Variants in LRP1B observed in about 807,000 individuals in gnomAD.
The protein encoded by LRP1B is LDL receptor related protein 1B.
A neutral mutation model predicts 556.6 loss-of-function variants in LRP1B; 217 were observed. That is an observed-to-expected ratio of 0.39 (90% CI 0.35 to 0.44). LRP1B has a LOEUF of 0.44. LRP1B is among the 20% of genes least tolerant of loss of function. The probability of loss-of-function intolerance (pLI) is 1.00; values close to 1 mark genes in which losing one functional copy is unlikely to be tolerated. For synonymous variants in LRP1B, 2,047 were observed against 1,865.8 expected (o/e 1.10, Z -2.50); for missense variants, 5,053 against 5,620.8 (o/e 0.90, Z 3.23).
intron 41 of LRP1B, among the ~76,000 whole-genome samples, chr2:140,696,913 A>G (rs934508123): frequency 6.6e-6 from 1 of 152,190 alleles, no homozygotes; most frequent in Admixed American, 6.5e-5. Flanking sequence ...CAAATACAGT[A>G]CAATAATTTT....
intron 21 of LRP1B, among the ~76,000 whole-genome samples, chr2:140,911,897 G>C (rs1694430411): frequency 6.6e-6 from 1 of 151,566 alleles, no homozygotes; most frequent in South Asian, 2.1e-4. Context: ...CAATCTTTTA[G>C]AGTCAGAATA....
intron 3 of LRP1B, among the ~76,000 whole-genome samples, chr2:141,308,145 AT>A (rs1686670518): frequency 6.6e-6 from 1 of 152,186 alleles, no homozygotes; most frequent in Non-Finnish European, 1.5e-5. Context: ...GAATCAGTAT[AT>A]AACCCCACCA....
intron 41 of LRP1B, among the ~76,000 whole-genome samples, chr2:140,674,435 T>A (rs1432486468): frequency 6.6e-6 from 1 of 152,162 alleles, no homozygotes; most frequent in East Asian, 1.9e-4. Flanking sequence ...TCCATCTACA[T>A]AATAAGAACC....
In LRP1B at chr2:140,380,358, C is replaced by T. The variant is rs376326169; in HGVS notation, c.10532-2072G>A. 9.2e-5 allele frequency among the ~76,000 whole-genome samples: 14 copies of T among 152,216 alleles called. No individual in the cohort carries two copies. In the East Asian group the frequency reaches 2.1e-3, roughly 23 times the overall value. On this transcript the variant is annotated intron_variant, in intron 67 of 90. Transcript: ENST00000389484. ...ATTAAAGCCCTGGGAAGCCAAGTTA[C>T]TTATCTAAAGCACATGGCTAGCAAT...
intron 1 of LRP1B, among the ~76,000 whole-genome samples, chr2:141,865,602 A>AAG (rs1207534750): frequency 7.7e-6 from 1 of 129,864 alleles, no homozygotes; most frequent in Non-Finnish European, 1.8e-5. Context: ...AAAAAAAAAA[A>AAG]AAAAAGAAAA....
chr2:141,637,959 A>T lies in LRP1B; in HGVS notation c.206-157426T>A, dbSNP rs533890170. Among the ~76,000 whole-genome samples the T allele has an allele frequency of 3.3e-5, 5 of 152,234 alleles. No individual in the cohort carries two copies. The South Asian group carries it at 1.0e-3, about 32-fold the overall frequency. Reference sequence around the variant, plus strand: ...AATATATCTGTAATCCCAACTCTTTAAAAGGCAGGGGCAGGTGGATCACTT... The same window carrying T: ...AATATATCTGTAATCCCAACTCTTTTAAAGGCAGGGGCAGGTGGATCACTT... On this transcript the variant is annotated intron_variant, in intron 2 of 90. Transcript: ENST00000389484.
chr2:140,288,030 G>T (rs527254739), intron 84 of LRP1B, among the ~76,000 whole-genome samples: 1 of 151,710 alleles, frequency 6.6e-6, no homozygotes, highest in Admixed American at 6.6e-5. Flanking sequence ...TTCTATTTCT[G>T]CTATTATATA....
At chr2:140,811,895 A>G (rs917817164) in intron 32 of LRP1B, among the ~76,000 whole-genome samples, 6 of 152,120 alleles carry the variant, frequency 3.9e-5, no homozygotes, top group African/African-American at 1.4e-4. Flanking sequence ...ATGTCAATAT[A>G]ATGCTCTATA....
chr2:140,718,176 A>C (rs1220054908), intron 35 of LRP1B, among the ~76,000 whole-genome samples: 1 of 151,970 alleles, frequency 6.6e-6, no homozygotes. Flanking sequence ...CTTGATGTAC[A>C]ATGGACAAAT....
intron 1 of LRP1B, among the ~76,000 whole-genome samples, chr2:141,964,096 G>T (rs1285925032): frequency 1.4e-5 from 2 of 142,624 alleles, no homozygotes; most frequent in African/African-American, 5.3e-5. Context: ...AATAAAAGAG[G>T]ATACAAACAA....
intron 2 of LRP1B, among the ~76,000 whole-genome samples, chr2:141,673,658 T>C (rs1690763573): frequency 6.6e-6 from 1 of 152,118 alleles, no homozygotes. Flanking sequence ...TTATTGTCTA[T>C]AATAATAGTT....
In LRP1B at chr2:141,176,311, C is replaced by T. The variant is rs560275582; in HGVS notation, c.1013+12110G>A. 6.6e-5 allele frequency among the ~76,000 whole-genome samples: 10 copies of T among 152,070 alleles called. No homozygotes were observed. The South Asian group carries it at 1.7e-3, about 25-fold the overall frequency. The stretch of plus-strand genomic sequence containing the variant: ...TGTGTCCCCACCCAAATCTCATGTC[C>T]CATTGTAATCCCCACATTGCACAGG... On this transcript the variant is annotated intron_variant, in intron 7 of 90. Coordinates refer to ENST00000389484, the MANE Select transcript of LRP1B (RefSeq NM_018557.3).
intron 2 of LRP1B, among the ~76,000 whole-genome samples, chr2:141,606,199 A>T (rs1481966139): frequency 6.7e-6 from 1 of 150,050 alleles, no homozygotes; most frequent in Non-Finnish European, 1.5e-5. Flanking sequence ...AATCTTAAAA[A>T]GGTCATATGA....
intron 3 of LRP1B, among the ~76,000 whole-genome samples, chr2:141,397,997 C>G (rs1690306949): frequency 6.6e-6 from 1 of 151,990 alleles, no homozygotes; most frequent in Non-Finnish European, 1.5e-5. Flanking sequence ...ACTTTCACTT[C>G]AGATAACACT....
At chr2:140,899,210 G>C (rs558047581) in intron 23 of LRP1B, 4 of 160,328 alleles carry the variant, frequency 2.5e-5, no homozygotes, top group Non-Finnish European at 5.4e-5. Context: ...AAGGGTATCT[G>C]CAATGAGAAG....
At chr2:140,851,500 T>C in intron 28 of LRP1B, 152 bp downstream of exon 28, 1 of 702,358 alleles carries the variant, frequency 1.4e-6, no homozygotes, top group South Asian at 2.1e-5. Flanking sequence ...GAATCATCAA[T>C]AGTGGATGGA....
intron 11 of LRP1B, among the ~76,000 whole-genome samples, chr2:141,035,477 C>A (rs532803204): frequency 1.3e-5 from 2 of 151,858 alleles, no homozygotes; most frequent in African/African-American, 4.8e-5. Context: ...GCAGATGCAT[C>A]CAATAAGAAT....
chr2:141,117,527 C>A (rs181035601), intron 7 of LRP1B, among the ~76,000 whole-genome samples: 3 of 152,014 alleles, frequency 2.0e-5, no homozygotes, highest in Admixed American at 2.0e-4. Context: ...CACAGATAGA[C>A]CCTATCACAA....
intron 7 of LRP1B, among the ~76,000 whole-genome samples, chr2:141,150,855 A>G (rs1558894732): frequency 7.6e-6 from 1 of 131,514 alleles, no homozygotes; most frequent in Non-Finnish European, 1.6e-5. Context: ...TGGCCTTCAT[A>G]TTGTCATGCT....
Sources: gnomAD v4.1 joint callset for allele counts (sites outside exome capture counted in the v4.1 genomes callset) on GRCh38, gnomAD v4.1.1 for gene constraint, MANE v1.5 for transcripts, NCBI Gene and HGNC (gene_info 2026-07-23, HGNC 2026-07-21) for gene names.